C1orf21: variants seen among roughly 807,000 people sequenced by gnomAD.
The protein encoded by C1orf21 is chromosome 1 open reading frame 21.
In C1orf21, 3 loss-of-function variants were observed where a neutral mutation model predicts 18.7. The ratio of observed to expected loss-of-function variants is 0.16; its 90% CI spans 0.07 to 0.42. The LOEUF (loss-of-function observed/expected upper bound fraction) is 0.42, where lower values mean the gene tolerates loss of function less well. Among genes scored for constraint, C1orf21 ranks in the 10% least tolerant of loss-of-function variants. The pLI, the probability that C1orf21 is intolerant of heterozygous loss-of-function variation, is 0.99. For synonymous variants in C1orf21, 41 were observed against 46.4 expected (o/e 0.88, Z 0.47); for missense variants, 104 against 143.6 (o/e 0.72, Z 1.41).
intron 3 of C1orf21, among the ~76,000 whole-genome samples, chr1:184,577,297 G>A (rs776143364): frequency 3.3e-5 from 5 of 151,702 alleles, no homozygotes; most frequent in Admixed American, 6.6e-5. Flanking sequence ...CACTGCTGGC[G>A]TTGAAGATGG....
intron 3 of C1orf21, among the ~76,000 whole-genome samples, chr1:184,550,261 G>C (rs930507400): frequency 6.6e-6 from 1 of 152,170 alleles, no homozygotes; most frequent in Admixed American, 6.5e-5. Context: ...AGATTGTAAA[G>C]GTTGTTATTG....
chr1:184,447,395 G>A (rs1229294463), intron 1 of C1orf21, among the ~76,000 whole-genome samples: 1 of 152,188 alleles, frequency 6.6e-6, no homozygotes, highest in Non-Finnish European at 1.5e-5. Context: ...ACACTGTCCT[G>A]AATAATCACG....
At chr1:184,424,014 G>A in intron 1 of C1orf21, among the ~76,000 whole-genome samples, 1 of 152,018 alleles carries the variant, frequency 6.6e-6, no homozygotes, top group East Asian at 1.9e-4. Flanking sequence ...TCTCATACTT[G>A]GTGTCCATTA....
chr1:184,491,889 T>G (rs951810494), intron 2 of C1orf21, among the ~76,000 whole-genome samples: 1 of 152,254 alleles, frequency 6.6e-6, no homozygotes, highest in Non-Finnish European at 1.5e-5. Context: ...CTCAAGTTTA[T>G]TTTTAGCTAA....
chr1:184,426,116 T>C (rs1181131430), intron 1 of C1orf21, among the ~76,000 whole-genome samples: 1 of 152,274 alleles, frequency 6.6e-6, no homozygotes, highest in Non-Finnish European at 1.5e-5. Flanking sequence ...TGGAGAAATG[T>C]GGCCCTGTGT....
chr1:184,449,629 A>G (rs1288706485), intron 1 of C1orf21, among the ~76,000 whole-genome samples: 1 of 152,204 alleles, frequency 6.6e-6, no homozygotes, highest in Non-Finnish European at 1.5e-5. Flanking sequence ...ATACTCAGGA[A>G]CCACTGAGCT....
intron 5 of C1orf21, among the ~76,000 whole-genome samples, chr1:184,606,720 A>G (rs1659652126): frequency 6.6e-6 from 1 of 152,164 alleles, no homozygotes; most frequent in Non-Finnish European, 1.5e-5. Flanking sequence ...TGACATGAAC[A>G]TGTTCTCTGG....
intron 3 of C1orf21, among the ~76,000 whole-genome samples, chr1:184,527,396 G>C (rs377186773): frequency 6.6e-6 from 1 of 152,164 alleles, no homozygotes; most frequent in East Asian, 1.9e-4. Flanking sequence ...ATTACACACT[G>C]ACTTATAAGC....
chr1:184,421,585 G>A (rs1281979362), intron 1 of C1orf21, among the ~76,000 whole-genome samples: 1 of 152,166 alleles, frequency 6.6e-6, no homozygotes, highest in African/African-American at 2.4e-5. Context: ...CAGCTTTACA[G>A]GAAACCAAGA....
chr1:184,505,198 G>C (rs928486229), intron 2 of C1orf21, among the ~76,000 whole-genome samples: 1 of 151,302 alleles, frequency 6.6e-6, no homozygotes, highest in South Asian at 2.1e-4. Flanking sequence ...TACACAGTGG[G>C]CAAGGGGCCA....
intron 1 of C1orf21, among the ~76,000 whole-genome samples, chr1:184,465,542 G>T (rs1657380802): frequency 6.6e-6 from 1 of 152,162 alleles, no homozygotes; most frequent in South Asian, 2.1e-4. Context: ...GAAAATGCAT[G>T]TCTTTTGTTT....
chr1:184,549,283 T>G (rs912082607), intron 3 of C1orf21, among the ~76,000 whole-genome samples: 2 of 152,076 alleles, frequency 1.3e-5, no homozygotes, highest in Non-Finnish European at 2.9e-5. Context: ...AGGGATGACT[T>G]CTTCTTCCTC....
chr1:184,529,855 T>C (rs185998425), intron 3 of C1orf21, among the ~76,000 whole-genome samples: 2 of 152,316 alleles, frequency 1.3e-5, no homozygotes, highest in South Asian at 2.1e-4. Context: ...TGTCCCTATG[T>C]GGGTATTAAC....
At chr1:184,481,980 T>C (rs1445218609) in intron 2 of C1orf21, among the ~76,000 whole-genome samples, 1 of 152,216 alleles carries the variant, frequency 6.6e-6, no homozygotes, top group Non-Finnish European at 1.5e-5. Context: ...GTTTTCAAAA[T>C]CCCACAATGA....
chr1:184,505,922 T>C (rs572400299), intron 2 of C1orf21, among the ~76,000 whole-genome samples: 1 of 152,268 alleles, frequency 6.6e-6, no homozygotes, highest in East Asian at 1.9e-4. Flanking sequence ...GGCAAATTTG[T>C]CAGTGTCTTC....
chr1:184,536,888 CAG>C (rs1658565370), intron 3 of C1orf21, among the ~76,000 whole-genome samples: 1 of 150,000 alleles, frequency 6.7e-6, no homozygotes, highest in African/African-American at 2.5e-5. Context: ...AATGGAAAAA[CAG>C]ATAAGAAATT....
At chr1:184,591,736 G>A (rs951192559) in intron 4 of C1orf21, among the ~76,000 whole-genome samples, 2 of 152,078 alleles carry the variant, frequency 1.3e-5, no homozygotes, top group Non-Finnish European at 2.9e-5. Context: ...AACCCTGGAG[G>A]TGGAGCTTGC....
rs762238409 is a variant in C1orf21, at chr1:184,507,657, TAGC to T, written c.168_170del (p.Ala57del). The T allele has an allele frequency of 1.0e-5, 16 of 1,603,272 alleles. No individual in the cohort carries two copies. Among genetic ancestry groups the T allele is most frequent in the Non-Finnish European group, 1.4e-5 (16 of 1,176,132 alleles). On this transcript the variant is annotated inframe_deletion, in exon 3 of 6. Coordinates refer to ENST00000235307, the MANE Select transcript of C1orf21 (RefSeq NM_030806.4). Reference sequence around the variant, plus strand: ...AATGGGGCAGAAGAAGAGCAGAAAATAGCAGCCAGGAACCAAGAAAACTTGGTA... The same window carrying T: ...AATGGGGCAGAAGAAGAGCAGAAAATAGCCAGGAACCAAGAAAACTTGGTA...
At chr1:184,545,600 C>G (rs551935708) in intron 3 of C1orf21, among the ~76,000 whole-genome samples, 5 of 151,988 alleles carry the variant, frequency 3.3e-5, no homozygotes, top group African/African-American at 1.2e-4. Context: ...CAGGGCTGTT[C>G]GGGCCATAAC....
Sources: allele counts gnomAD v4.1 joint callset (sites outside exome capture counted in the v4.1 genomes callset), GRCh38; gene constraint gnomAD v4.1.1; transcripts MANE v1.5; gene names NCBI Gene and HGNC (gene_info 2026-07-23, HGNC 2026-07-21).